Variants in SAMD12 observed in about 807,000 individuals in gnomAD.
The protein encoded by SAMD12 is sterile alpha motif domain-containing protein 12.
Under a neutral mutation model 15.0 loss-of-function variants are expected in SAMD12, and 9 were observed. The ratio of observed to expected loss-of-function variants is 0.60; its 90% confidence interval spans 0.36 to 1.05. SAMD12 has a LOEUF of 1.05. SAMD12 is among the 50% of genes least tolerant of loss of function. SAMD12 has a pLI of 0.01. For synonymous variants in SAMD12, 86 were observed against 90.1 expected (o/e 0.96, Z 0.25); for missense variants, 230 against 234.2 (o/e 0.98, Z 0.12).
chr8:118,369,989 T>C (rs1818998317), intron 4 of SAMD12, among the ~76,000 whole-genome samples: 1 of 152,084 alleles, frequency 6.6e-6, no homozygotes, highest in Non-Finnish European at 1.5e-5. Flanking sequence ...ATCTACAGAA[T>C]GGGAGAAATT....
intron 3 of SAMD12, among the ~76,000 whole-genome samples, chr8:118,437,995 T>A (rs1822623117): frequency 6.6e-6 from 1 of 152,188 alleles, no homozygotes; most frequent in Admixed American, 6.5e-5. Context: ...TTAAAAAACA[T>A]TAAGCAGCCA....
chr8:118,369,430 C>T (rs111254973), intron 4 of SAMD12, among the ~76,000 whole-genome samples: 3,713 of 152,102 alleles, frequency 0.024, 76 homozygotes, highest in Middle Eastern at 0.041. Context: ...AAAACTTGAA[C>T]GTAGGCCAGG....
chr8:118,232,073 T>C (rs1258460348), intron 4 of SAMD12, among the ~76,000 whole-genome samples: 1 of 152,190 alleles, frequency 6.6e-6, no homozygotes, highest in African/African-American at 2.4e-5. Flanking sequence ...GAAATAAAAG[T>C]ATAGTGTATT....
At chr8:118,241,938 G>T (rs1812577817) in intron 4 of SAMD12, among the ~76,000 whole-genome samples, 1 of 152,074 alleles carries the variant, frequency 6.6e-6, no homozygotes, top group Admixed American at 6.6e-5. Context: ...TGGAGACTGG[G>T]TCTCACTCTG....
intron 2 of SAMD12, among the ~76,000 whole-genome samples, chr8:118,462,660 C>T (rs1334150161): frequency 6.6e-6 from 1 of 152,096 alleles, no homozygotes; most frequent in African/African-American, 2.4e-5. Context: ...AGCAAGCGAA[C>T]CTGACACCAC....
chr8:118,264,341 A>G (rs1029634766), intron 4 of SAMD12, among the ~76,000 whole-genome samples: 3 of 152,168 alleles, frequency 2.0e-5, no homozygotes, highest in African/African-American at 4.8e-5. Context: ...GCACTAAAGA[A>G]TGTTCTCATA....
chr8:118,336,308 C>A (rs1817059725), intron 4 of SAMD12, among the ~76,000 whole-genome samples: 1 of 152,206 alleles, frequency 6.6e-6, no homozygotes, highest in South Asian at 2.1e-4. Context: ...TAATTGCTCT[C>A]TTCTATGGAT....
chr8:118,582,680 C>T lies in SAMD12; in HGVS notation c.14-1787G>A, dbSNP rs1465420010. ...CATTTCACAGATAAGGAAAATGAGGCTCAAATGGGTTAGGTTCACAAAAGG... is the reference window on the plus strand; with the variant it reads ...CATTTCACAGATAAGGAAAATGAGGTTCAAATGGGTTAGGTTCACAAAAGG... On this transcript the variant is annotated intron_variant, in intron 1 of 3. Transcript: ENST00000314727. Among the ~76,000 whole-genome samples, 6 of 152,050 alleles carry T rather than the reference C, an allele frequency of 3.9e-5. No homozygotes were observed. In the East Asian group the frequency reaches 5.8e-4, roughly 15 times the overall value.
At chr8:118,511,449 TTTG>T (rs148065165) in intron 2 of SAMD12, among the ~76,000 whole-genome samples, 10,821 of 146,962 alleles carry the variant, frequency 0.074, 514 homozygotes, top group South Asian at 0.16. Flanking sequence ...TGTTTTTGTT[TTTG>T]TTTTTTTTTT....
intron 2 of SAMD12, among the ~76,000 whole-genome samples, chr8:118,553,913 C>T (rs902425575): frequency 6.6e-6 from 1 of 151,362 alleles, no homozygotes; most frequent in East Asian, 1.9e-4. Context: ...ATTTATGCAG[C>T]CAAAAAACAC....
chr8:118,349,430 A>G (rs1817841917), intron 4 of SAMD12, among the ~76,000 whole-genome samples: 1 of 152,214 alleles, frequency 6.6e-6, no homozygotes, highest in Non-Finnish European at 1.5e-5. Context: ...TGAATACAGA[A>G]CTTTGAAAGG....
chr8:118,354,858 T>C (rs1818150153), intron 4 of SAMD12, among the ~76,000 whole-genome samples: 1 of 152,212 alleles, frequency 6.6e-6, no homozygotes, highest in Non-Finnish European at 1.5e-5. Context: ...CTTGCTTTGT[T>C]CATTTGAGTC....
intron 4 of SAMD12, among the ~76,000 whole-genome samples, chr8:118,232,472 A>G (rs1812334330): frequency 6.6e-6 from 1 of 152,080 alleles, no homozygotes; most frequent in South Asian, 2.1e-4. Context: ...GTAGAGGGCA[A>G]AGTTGGGGAA....
chr8:118,428,215 CT>C (rs1358364599), intron 3 of SAMD12, among the ~76,000 whole-genome samples: 2 of 152,040 alleles, frequency 1.3e-5, no homozygotes, highest in African/African-American at 4.8e-5. Flanking sequence ...TCTGGCTTGG[CT>C]TTTTCATTTC....
intron 4 of SAMD12, among the ~76,000 whole-genome samples, chr8:118,370,601 G>C (rs1251594936): frequency 6.6e-6 from 1 of 152,172 alleles, no homozygotes; most frequent in African/African-American, 2.4e-5. Context: ...ATACTATGCA[G>C]ACATAAAAAG....
intron 4 of SAMD12, among the ~76,000 whole-genome samples, chr8:118,341,799 A>G (rs558356866): frequency 1.3e-5 from 2 of 152,386 alleles, no homozygotes; most frequent in South Asian, 4.1e-4. Flanking sequence ...TGACAGGCCC[A>G]GTGTCAAAAT....
intron 4 of SAMD12, among the ~76,000 whole-genome samples, chr8:118,258,057 C>T (rs1382207214): frequency 6.6e-6 from 1 of 152,060 alleles, no homozygotes; most frequent in Non-Finnish European, 1.5e-5. Context: ...TTCTATCCAC[C>T]GGTGTCAGGC....
intron 1 of SAMD12, among the ~76,000 whole-genome samples, chr8:118,593,348 A>G (rs1238448595): frequency 1.3e-5 from 2 of 152,152 alleles, no homozygotes; most frequent in Non-Finnish European, 2.9e-5. Flanking sequence ...AAAAAAAACA[A>G]GTTCCTTTTC....
downstream of SAMD12, among the ~76,000 whole-genome samples, chr8:118,374,173 C>CT (rs1001365983): frequency 6.6e-5 from 10 of 152,034 alleles, no homozygotes; most frequent in East Asian, 1.9e-4. Flanking sequence ...CTTGTAGCCA[C>CT]TTTTTTACTT....
Sources: allele counts gnomAD v4.1 joint callset (sites outside exome capture counted in the v4.1 genomes callset), GRCh38; gene constraint gnomAD v4.1.1; transcripts MANE v1.5; gene names NCBI Gene and HGNC (gene_info 2026-07-23, HGNC 2026-07-21).